The following PTCHD4 variants were observed in gnomAD, a reference collection of about 807,000 sequenced individuals.
The protein encoded by PTCHD4 is patched domain-containing protein 4.
Under a neutral mutation model 58.1 loss-of-function variants are expected in PTCHD4, and 33 were observed. That is an observed-to-expected ratio of 0.57 (90% CI 0.43 to 0.76). The LOEUF (loss-of-function observed/expected upper bound fraction) is 0.76. PTCHD4 is among the 30% of genes least tolerant of loss of function. The pLI is 0.00. For synonymous variants in PTCHD4, 478 were observed against 409.6 expected (o/e 1.17, Z -2.02); for missense variants, 1,058 against 1,027.1 (o/e 1.03, Z -0.41).
chr6:48,053,063 T>A (rs1044774615), intron 3 of PTCHD4, among the ~76,000 whole-genome samples: 1 of 152,264 alleles, frequency 6.6e-6, no homozygotes, highest in East Asian at 1.9e-4. Flanking sequence ...ATGTTAATAC[T>A]GTTTGAATAT....
At position 48,069,343 on chromosome 6, in the gene PTCHD4, G is replaced by C. The variant is rs187836034; in HGVS notation, c.-386C>G. On this transcript the variant is annotated 5_prime_UTR_variant, in exon 2 of 5. Transcript: ENST00000339488. Reference sequence around the variant, plus strand: ...TGGCCCATTGGAGCAAGGGCAATTAGAGCCCAAGGAGTGGGGCATGGAGGG... The same window carrying C: ...TGGCCCATTGGAGCAAGGGCAATTACAGCCCAAGGAGTGGGGCATGGAGGG... Among the ~76,000 whole-genome samples, 12 of 152,274 alleles carry C rather than the reference G, an allele frequency of 7.9e-5. No homozygotes were observed. The highest frequency in any genetic ancestry group is 2.2e-4 in the African/African-American group (9 of 41,556).
intron 3 of PTCHD4, among the ~76,000 whole-genome samples, chr6:48,012,185 G>C (rs1301316082): frequency 2.6e-5 from 4 of 152,122 alleles, no homozygotes; most frequent in African/African-American, 9.7e-5. Flanking sequence ...TCACAATATT[G>C]ATTCTTCCTA....
intron 4 of PTCHD4, among the ~76,000 whole-genome samples, chr6:47,979,228 G>A (rs1767795807): frequency 6.6e-6 from 1 of 152,046 alleles, no homozygotes; most frequent in Non-Finnish European, 1.5e-5. Context: ...TGGGATGACG[G>A]AGTGTTTTAT....
intron 4 of PTCHD4, among the ~76,000 whole-genome samples, chr6:47,881,296 C>G (rs186706186): frequency 6.6e-6 from 1 of 152,262 alleles, no homozygotes; most frequent in East Asian, 1.9e-4. Context: ...GCTAACTGAC[C>G]TGTATAATTC....
chr6:47,981,472 C>T (rs1055635824), intron 4 of PTCHD4, among the ~76,000 whole-genome samples: 3 of 151,888 alleles, frequency 2.0e-5, no homozygotes, highest in African/African-American at 7.3e-5. Flanking sequence ...ATTTTTGTAA[C>T]CCCTAGAGGC....
At chr6:47,902,604 A>G (rs909027394) in intron 4 of PTCHD4, among the ~76,000 whole-genome samples, 1 of 152,232 alleles carries the variant, frequency 6.6e-6, no homozygotes, top group African/African-American at 2.4e-5. Flanking sequence ...TTAATTAGCA[A>G]TAGTTTTCAC....
rs116803612 is a variant in PTCHD4, at chr6:47,954,515, T to C, written c.898+54119A>G. Reference sequence around the variant, plus strand: ...AATAAAAGGACTAAGATACAAATCCTGTTCTTATGAAACCTGTGTCTAGTG... The same window carrying C: ...AATAAAAGGACTAAGATACAAATCCCGTTCTTATGAAACCTGTGTCTAGTG... On this transcript the variant is annotated intron_variant, in intron 4 of 4. Coordinates refer to ENST00000339488, the MANE Select transcript of PTCHD4 (RefSeq NM_001384253.1). Among the ~76,000 whole-genome samples the C allele has an allele frequency of 7.0e-3, 1,067 of 152,350 alleles. 14 individuals are homozygous for C. Among genetic ancestry groups the C allele is most frequent in the African/African-American group, 0.023 (958 of 41,584 alleles).
intron 4 of PTCHD4, among the ~76,000 whole-genome samples, chr6:47,919,556 T>C (rs767856022): frequency 6.6e-6 from 1 of 152,134 alleles, no homozygotes; most frequent in Non-Finnish European, 1.5e-5. Flanking sequence ...GCAGAGAGAC[T>C]GGTTTTTACC....
Position 47,858,229 on chromosome 6 carries a change from C to T in PTCHD4, c.*20074G>A, listed in dbSNP as rs1433779128. ...TAAACATACTTGATTTTATAGCAGG[C>T]ACCCCCAATTTTGGATTCAGGGGCA... On this transcript the variant is annotated 3_prime_UTR_variant, in exon 5 of 5. Coordinates refer to ENST00000339488, the MANE Select transcript of PTCHD4 (RefSeq NM_001384253.1). Among the ~76,000 whole-genome samples the T allele has an allele frequency of 1.3e-5, 2 of 151,994 alleles. No individual in the cohort carries two copies.
At chr6:47,904,198 C>T (rs1442819973) in intron 4 of PTCHD4, among the ~76,000 whole-genome samples, 1 of 152,098 alleles carries the variant, frequency 6.6e-6, no homozygotes, top group East Asian at 1.9e-4. Flanking sequence ...GATAAGATCA[C>T]CTTGGTTGCC....
At chr6:47,995,368 T>G (rs1043243729) in intron 4 of PTCHD4, among the ~76,000 whole-genome samples, 1 of 152,206 alleles carries the variant, frequency 6.6e-6, no homozygotes. Context: ...AACAAAGAAA[T>G]TCATCAGGTA....
chr6:47,939,827 T>G (rs1045749995), intron 4 of PTCHD4, among the ~76,000 whole-genome samples: 1 of 152,114 alleles, frequency 6.6e-6, no homozygotes, highest in African/African-American at 2.4e-5. Context: ...AACAAAATTC[T>G]TAAAGAAAGA....
rs1763570546 is a variant in PTCHD4, at chr6:47,866,692, T to C, written c.*11611A>G. On this transcript the variant is annotated 3_prime_UTR_variant, in exon 5 of 5. Transcript: ENST00000339488. ...TTCCTCCAAACATCTTGTAATATGA[T>C]TGCTGGTTTTGGGGAGCACCACTAT... Among the ~76,000 whole-genome samples, 1 of 151,822 alleles carries C rather than the reference T, an allele frequency of 6.6e-6. No homozygotes were observed. Among genetic ancestry groups the C allele is most frequent in the Admixed American group, 6.6e-5 (1 of 15,192 alleles).
In PTCHD4 at chr6:47,864,966, A is replaced by G. The variant is rs1763521314; in HGVS notation, c.*13337T>C. ...CATGTGCCTTATACATAACTTTCAT[A>G]GAAGATGACTGCAGAGCAGATCTCT... On this transcript the variant is annotated 3_prime_UTR_variant, in exon 5 of 5. Coordinates refer to ENST00000339488, the MANE Select transcript of PTCHD4 (RefSeq NM_001384253.1). 1.3e-5 allele frequency among the ~76,000 whole-genome samples: 2 copies of G among 151,956 alleles called. No homozygotes were observed. The highest frequency in any genetic ancestry group is 2.9e-5 in the Non-Finnish European group (2 of 67,916).
intron 4 of PTCHD4, among the ~76,000 whole-genome samples, chr6:47,982,846 C>G (rs764272236): frequency 6.6e-6 from 1 of 152,048 alleles, no homozygotes; most frequent in Non-Finnish European, 1.5e-5. Flanking sequence ...AATAGGTGCT[C>G]AATAAGAATT....
chr6:47,931,031 C>G (rs1367882264), intron 4 of PTCHD4, among the ~76,000 whole-genome samples: 1 of 152,184 alleles, frequency 6.6e-6, no homozygotes, highest in Non-Finnish European at 1.5e-5. Context: ...GTGATCCACC[C>G]GCCTCGGCCT....
chr6:47,999,308 C>A (rs1160548541), intron 4 of PTCHD4, among the ~76,000 whole-genome samples: 3 of 152,108 alleles, frequency 2.0e-5, no homozygotes, highest in Non-Finnish European at 4.4e-5. Context: ...AATATTTTCA[C>A]ATCATTGGCC....
At chr6:47,902,812 T>G (rs1293491215) in intron 4 of PTCHD4, among the ~76,000 whole-genome samples, 2 of 152,176 alleles carry the variant, frequency 1.3e-5, no homozygotes, top group African/African-American at 4.8e-5. Context: ...TATTAAAAAT[T>G]TTGATGTTTT....
chr6:48,027,117 A>G (rs1348546353), intron 3 of PTCHD4, among the ~76,000 whole-genome samples: 1 of 152,142 alleles, frequency 6.6e-6, no homozygotes, highest in Non-Finnish European at 1.5e-5. Flanking sequence ...GTGTATGTAT[A>G]TATGATATGT....
Sources: allele counts gnomAD v4.1 joint callset (sites outside exome capture counted in the v4.1 genomes callset), GRCh38; gene constraint gnomAD v4.1.1; transcripts MANE v1.5; gene names NCBI Gene and HGNC (gene_info 2026-07-23, HGNC 2026-07-21).